The following VAV2 variants were observed in gnomAD, a reference collection of about 807,000 sequenced individuals.
VAV2 encodes vav guanine nucleotide exchange factor 2.
VAV2 carries 67 observed loss-of-function variants against 132.5 expected under a neutral mutation model. The observed-to-expected ratio is 0.51, with a 90% CI of 0.42 to 0.62. The LOEUF is 0.62. VAV2 is among the 20% of genes least tolerant of loss of function. The pLI, the probability that VAV2 is intolerant of heterozygous loss-of-function variation, is 0.00. For synonymous variants in VAV2, 492 were observed against 443.5 expected (o/e 1.11, Z -1.37); for missense variants, 938 against 1,153.6 (o/e 0.81, Z 2.71).
At chr9:133,939,049 G>A (rs1347099034) in intron 2 of VAV2, 54 bp downstream of exon 2, 25 of 1,550,560 alleles carry the variant, frequency 1.6e-5, no homozygotes, top group South Asian at 1.1e-4. Context: ...CCGCTGAGCC[G>A]GCAAATCGGC....
intron 4 of VAV2, among the ~76,000 whole-genome samples, chr9:133,822,861 C>T (rs1835849107): frequency 6.6e-6 from 1 of 152,230 alleles, no homozygotes; most frequent in South Asian, 2.1e-4. Context: ...TGTCCCGGGC[C>T]ACAGCACAGG....
intron 2 of VAV2, among the ~76,000 whole-genome samples, chr9:133,911,729 C>T (rs532251941): frequency 1.4e-4 from 22 of 152,318 alleles, no homozygotes; most frequent in African/African-American, 4.3e-4. Context: ...ACACTAAAGA[C>T]GCCATGTCCA....
At position 133,879,068 on chromosome 9, in the gene VAV2, C is replaced by A. The variant is rs998311155; in HGVS notation, c.322-17636G>T. 6.6e-6 allele frequency among the ~76,000 whole-genome samples: 1 copy of A among 152,216 alleles called. No individual in the cohort carries two copies. Among genetic ancestry groups the A allele is most frequent in the African/African-American group, 2.4e-5 (1 of 41,450 alleles). On this transcript the variant is annotated intron_variant, in intron 2 of 29. Coordinates refer to ENST00000371850, the MANE Select transcript of VAV2 (RefSeq NM_001134398.2). This position sits in a 1 kb window ranked among gnomAD's most constrained non-coding sequence, Gnocchi z 4.4. ...AGGCATCATCCGCCCCCATCCCAGG[C>A]ATCCTGTGACATAGTCTTCCAGAGG...
intron 2 of VAV2, among the ~76,000 whole-genome samples, chr9:133,864,512 C>G (rs1207997890): frequency 6.6e-6 from 1 of 152,234 alleles, no homozygotes; most frequent in Non-Finnish European, 1.5e-5. Flanking sequence ...CAACCATGGC[C>G]TGCTCTGACC....
intron 4 of VAV2, among the ~76,000 whole-genome samples, chr9:133,817,963 G>C (rs1835627118): frequency 6.6e-6 from 1 of 152,230 alleles, no homozygotes; most frequent in East Asian, 1.9e-4. Context: ...GTCTGTGAGG[G>C]GGTTTCCAGA....
intron 4 of VAV2, among the ~76,000 whole-genome samples, chr9:133,822,982 C>T (rs1264754879): frequency 1.3e-5 from 2 of 152,216 alleles, no homozygotes; most frequent in Non-Finnish European, 2.9e-5. Context: ...GGAGCACCCA[C>T]CTTGCAGAGT....
intron 2 of VAV2, among the ~76,000 whole-genome samples, chr9:133,862,614 A>G (rs906657844): frequency 1.3e-5 from 2 of 152,184 alleles, no homozygotes; most frequent in African/African-American, 4.8e-5. Context: ...GGGCAACAAG[A>G]AAAGGCCCAC....
At chr9:133,889,886 A>G (rs1838862753) in intron 2 of VAV2, among the ~76,000 whole-genome samples, 1 of 152,224 alleles carries the variant, frequency 6.6e-6, no homozygotes, top group African/African-American at 2.4e-5. Flanking sequence ...CTTCCATGAA[A>G]AAAGAACTCC....
intron 13 of VAV2, 151 bp from the exon 14 acceptor site, chr9:133,789,494 G>C: frequency 1.4e-6 from 1 of 709,700 alleles, no homozygotes; most frequent in East Asian, 2.6e-5. Context: ...GCTCCCAGCT[G>C]GTGCTCAGGA....
chr9:133,849,296 G>T (rs965568732), intron 3 of VAV2, among the ~76,000 whole-genome samples: 1 of 152,148 alleles, frequency 6.6e-6, no homozygotes, highest in Non-Finnish European at 1.5e-5. Flanking sequence ...ACCTGGAGGG[G>T]TGTCCTTGAA....
intron 2 of VAV2, among the ~76,000 whole-genome samples, chr9:133,868,356 C>T (rs190286324): frequency 1.2e-4 from 18 of 152,310 alleles, no homozygotes; most frequent in African/African-American, 2.9e-4. Context: ...AGATGCTCTG[C>T]GAATGGGGAA....
intron 29 of VAV2, among the ~76,000 whole-genome samples, chr9:133,766,155 C>T (rs761163967): frequency 2.0e-5 from 3 of 152,076 alleles, no homozygotes; most frequent in Non-Finnish European, 4.4e-5. Flanking sequence ...AAGGTAAACA[C>T]GGGGTAAATC....
At chr9:133,944,188 G>A (rs1225110346) in intron 1 of VAV2, among the ~76,000 whole-genome samples, 1 of 112,578 alleles carries the variant, frequency 8.9e-6, no homozygotes, top group Non-Finnish European at 2.0e-5. Flanking sequence ...TCTCTGCCCT[G>A]CAGAACCCAC....
intron 4 of VAV2, among the ~76,000 whole-genome samples, chr9:133,814,537 G>C (rs114602087): frequency 6.6e-6 from 1 of 152,258 alleles, no homozygotes; most frequent in Admixed American, 6.5e-5. Flanking sequence ...AGAGACAGAC[G>C]TCAGCTTTTC....
chr9:133,928,740 A>AC lies in VAV2; in HGVS notation c.321+10362dup, dbSNP rs1321507798. ...CCTGGCCAGACAGAGCCTGCGGGAC[A>AC]CATTCATCAACGCAGATGTAAAATG... On this transcript the variant is annotated intron_variant, in intron 2 of 29. Coordinates refer to ENST00000371850, the MANE Select transcript of VAV2 (RefSeq NM_001134398.2). This position sits in a 1 kb window ranked among gnomAD's most constrained non-coding sequence, Gnocchi z 5.4. Among the ~76,000 whole-genome samples the AC allele has an allele frequency of 1.3e-5, 2 of 152,226 alleles. No individual in the cohort carries two copies. The highest frequency in any genetic ancestry group is 6.5e-5 in the Admixed American group (1 of 15,292).
chr9:133,948,282 G>A (rs115176610), intron 1 of VAV2, among the ~76,000 whole-genome samples: 2,880 of 152,322 alleles, frequency 0.019, 91 homozygotes, highest in African/African-American at 0.065. Context: ...AGCTCCGCAC[G>A]CACCAGGACC....
At chr9:133,841,979 C>T (rs1836743574) in intron 3 of VAV2, among the ~76,000 whole-genome samples, 1 of 152,202 alleles carries the variant, frequency 6.6e-6, no homozygotes, top group Non-Finnish European at 1.5e-5. Flanking sequence ...ACAGATGGTC[C>T]ACCCGGCCCT....
At chr9:133,869,766 G>A (rs2131894908) in intron 2 of VAV2, among the ~76,000 whole-genome samples, 1 of 152,320 alleles carries the variant, frequency 6.6e-6, no homozygotes, top group South Asian at 2.1e-4. Flanking sequence ...TCAGTAAGCA[G>A]GAACTGCACA....
intron 4 of VAV2, among the ~76,000 whole-genome samples, chr9:133,815,909 A>T (rs1835541981): frequency 6.6e-6 from 1 of 152,222 alleles, no homozygotes; most frequent in Non-Finnish European, 1.5e-5. Context: ...CCTCATAAGC[A>T]GCTGACAAAT....
Sources: gnomAD v4.1 joint callset for allele counts (sites outside exome capture counted in the v4.1 genomes callset) on GRCh38, gnomAD v4.1.1 for gene constraint, Gnocchi (gnomAD v3.1) non-coding constraint, MANE v1.5 for transcripts, NCBI Gene and HGNC (gene_info 2026-07-23, HGNC 2026-07-21) for gene names.